Variants in METTL25 observed in about 807,000 individuals in gnomAD.
The protein encoded by METTL25 is probable methyltransferase-like protein 25.
In METTL25, 64 loss-of-function variants were observed where a neutral mutation model predicts 71.6. The observed-to-expected ratio is 0.89, with a 90% CI of 0.73 to 1.10. METTL25 has a LOEUF of 1.10. Ranked by LOEUF, METTL25 falls within the 50% of genes least tolerant of loss-of-function variation. The pLI, the probability that METTL25 is intolerant of heterozygous loss-of-function variation, is 0.00. For missense variants in METTL25, 807 were observed against 707.0 expected (o/e 1.14, Z -1.60); for synonymous variants, 287 against 250.3 (o/e 1.15, Z -1.38).
At position 82,415,417 on chromosome 12, in the gene METTL25, G is replaced by A. The variant is rs183112981; in HGVS notation, c.1279+12287G>A. On this transcript the variant is annotated intron_variant, in intron 5 of 11. Transcript: ENST00000248306. ...GTAGAAAAAAAGGATATTGTAAATC[G>A]GGCTATATATACCTGGTGTATTAGG... Among the ~76,000 whole-genome samples the A allele has an allele frequency of 3.9e-4, 59 of 152,098 alleles. No individual in the cohort carries two copies. The East Asian group carries it at 8.1e-3, about 21-fold the overall frequency.
chr12:82,465,024 A>G (rs1892135902), intron 9 of METTL25, among the ~76,000 whole-genome samples: 1 of 151,796 alleles, frequency 6.6e-6, no homozygotes, highest in African/African-American at 2.4e-5. Flanking sequence ...AGGTTTTTCT[A>G]TATGTAAGAT....
chr12:82,392,155 G>T (rs548314584), intron 3 of METTL25, among the ~76,000 whole-genome samples: 135 of 149,036 alleles, frequency 9.1e-4, no homozygotes, highest in Admixed American at 3.8e-3. Flanking sequence ...TGCAGAATGT[G>T]CAGGTTAGTT....
At chr12:82,472,638 C>T (rs961119823) in intron 9 of METTL25, among the ~76,000 whole-genome samples, 1 of 152,068 alleles carries the variant, frequency 6.6e-6, no homozygotes, top group Non-Finnish European at 1.5e-5. Flanking sequence ...GTTATTGAAG[C>T]TCTCAATTGT....
intron 1 of METTL25, 119 bp downstream of exon 1, chr12:82,358,943 C>G: frequency 7.8e-7 from 1 of 1,276,282 alleles, no homozygotes; most frequent in Non-Finnish European, 1.1e-6. Context: ...GCGGGGCGGC[C>G]CGCTGGGAAA....
chr12:82,412,183 A>T (rs943129198), intron 5 of METTL25, among the ~76,000 whole-genome samples: 1 of 152,142 alleles, frequency 6.6e-6, no homozygotes, highest in South Asian at 2.1e-4. Flanking sequence ...TACAAAAAAA[A>T]TAACTGAACT....
Position 82,476,752 on chromosome 12 carries a change from A to G in METTL25, c.1647+34A>G, listed in dbSNP as rs776620357. On this transcript the variant is annotated intron_variant, in intron 10 of 11. Coordinates refer to ENST00000248306, the MANE Select transcript of METTL25 (RefSeq NM_032230.3). ...CAGAGTTAAGCATATTAAATTGGATATGTTGCTAGACTTGAATAGGGTCCT... is the reference window on the plus strand; with the variant it reads ...CAGAGTTAAGCATATTAAATTGGATGTGTTGCTAGACTTGAATAGGGTCCT... The G allele has an allele frequency of 2.2e-6, 3 of 1,388,940 alleles. No individual in the cohort carries two copies. The South Asian group carries it at 3.9e-5, about 18-fold the overall frequency. 86.0% of individuals were successfully genotyped at this position (1,388,940 alleles called of 1,614,324 possible).
chr12:82,404,900 C>T (rs1391365469), intron 5 of METTL25, among the ~76,000 whole-genome samples: 5 of 151,478 alleles, frequency 3.3e-5, no homozygotes, highest in South Asian at 2.1e-4. Flanking sequence ...GCCAAGATGG[C>T]GCCATTGCAC....
At chr12:82,468,483 G>A (rs1453144302) in intron 9 of METTL25, 1 of 156,568 alleles carries the variant, frequency 6.4e-6, no homozygotes. Flanking sequence ...ATCATCTTAA[G>A]CCTCATCCTA....
intron 1 of METTL25, among the ~76,000 whole-genome samples, chr12:82,373,806 G>T (rs903267141): frequency 1.3e-5 from 2 of 152,206 alleles, no homozygotes; most frequent in Admixed American, 1.3e-4. Flanking sequence ...AGAGCCAGGG[G>T]TTGTTAGAGA....
chr12:82,384,374 G>GCTCTCT (rs57771205), intron 1 of METTL25, among the ~76,000 whole-genome samples: 54 of 134,298 alleles, frequency 4.0e-4, no homozygotes, highest in East Asian at 9.5e-4. Context: ...ATCATAAACA[G>GCTCTCT]CTCTCTCTCT....
chr12:82,476,441 T>C, intron 9 of METTL25: 1 of 455,926 alleles, frequency 2.2e-6, no homozygotes, highest in Non-Finnish European at 3.9e-6. Flanking sequence ...ATTTATGATG[T>C]GCTGCATAAC....
At chr12:82,376,767 T>C in intron 1 of METTL25, among the ~76,000 whole-genome samples, 1 of 152,216 alleles carries the variant, frequency 6.6e-6, no homozygotes, top group East Asian at 1.9e-4. Context: ...TATCTTTAAA[T>C]AATTACTTTT....
chr12:82,386,328 G>T (rs1477740224), intron 1 of METTL25, among the ~76,000 whole-genome samples: 2 of 152,052 alleles, frequency 1.3e-5, no homozygotes, highest in Non-Finnish European at 2.9e-5. Flanking sequence ...TGTTGCCCGG[G>T]CTGACTACCT....
At chr12:82,387,712 C>G (rs1484132108) in intron 2 of METTL25, among the ~76,000 whole-genome samples, 3 of 34,364 alleles carry the variant, frequency 8.7e-5, no homozygotes, top group African/African-American at 2.0e-4. Context: ...TACACACACA[C>G]GCGCACACAC....
chr12:82,437,630 A>T (rs1056194546), intron 7 of METTL25, among the ~76,000 whole-genome samples: 1 of 151,714 alleles, frequency 6.6e-6, no homozygotes. Flanking sequence ...TAATTAAAAC[A>T]TATTTATTCT....
At chr12:82,378,603 AG>A (rs1330439503) in intron 1 of METTL25, among the ~76,000 whole-genome samples, 3 of 152,248 alleles carry the variant, frequency 2.0e-5, no homozygotes, top group African/African-American at 4.8e-5. Context: ...ACAACGGGAA[AG>A]AAAAATACAG....
chr12:82,364,782 A>G (rs1882370268), intron 1 of METTL25, among the ~76,000 whole-genome samples: 1 of 152,206 alleles, frequency 6.6e-6, no homozygotes, highest in African/African-American at 2.4e-5. Context: ...CTTTACTTGG[A>G]AGAAATAAAT....
At chr12:82,437,222 G>T (rs1889984089) in intron 7 of METTL25, among the ~76,000 whole-genome samples, 1 of 151,664 alleles carries the variant, frequency 6.6e-6, no homozygotes, top group Admixed American at 6.6e-5. Context: ...TTTGGAAAGA[G>T]ATTTTATATA....
intron 8 of METTL25, among the ~76,000 whole-genome samples, chr12:82,440,652 A>G (rs1370731160): frequency 2.6e-5 from 4 of 152,024 alleles, no homozygotes; most frequent in Admixed American, 1.3e-4. Context: ...TTTCCACACA[A>G]GAACAATTTA....
Sources: allele counts gnomAD v4.1 joint callset (sites outside exome capture counted in the v4.1 genomes callset), GRCh38; gene constraint gnomAD v4.1.1; transcripts MANE v1.5; gene names NCBI Gene and HGNC (gene_info 2026-07-23, HGNC 2026-07-21).